The following WAPL variants were observed in gnomAD, a reference collection of about 807,000 sequenced individuals.
WAPL encodes WAPL cohesin release factor, also known as wings apart-like protein homolog.
In WAPL, 5 loss-of-function variants were observed where a neutral mutation model predicts 121.0. The ratio of observed to expected loss-of-function variants is 0.04; its 90% CI spans 0.02 to 0.09. WAPL has a LOEUF of 0.09. Among genes scored for constraint, WAPL ranks in the 10% least tolerant of loss-of-function variants. The probability of loss-of-function intolerance (pLI) is 1.00; values close to 1 mark genes in which losing one functional copy is unlikely to be tolerated. For missense variants in WAPL, 999 were observed against 1,410.8 expected (o/e 0.71, Z 4.68); for synonymous variants, 480 against 481.5 (o/e 1.00, Z 0.04).
At chr10:86,464,270 CAT>C (rs1344119397) in intron 9 of WAPL, among the ~76,000 whole-genome samples, 2 of 152,288 alleles carry the variant, frequency 1.3e-5, no homozygotes, top group Non-Finnish European at 1.5e-5. Context: ...CTGGCTTAAT[CAT>C]ATGAGTAAAC....
intron 17 of WAPL, among the ~76,000 whole-genome samples, chr10:86,440,662 G>A (rs1160521207): frequency 2.0e-5 from 3 of 151,858 alleles, no homozygotes; most frequent in Non-Finnish European, 4.4e-5. Context: ...TTTCTGATTT[G>A]CTCTTAAAAT....
intron 4 of WAPL, among the ~76,000 whole-genome samples, chr10:86,491,689 G>A (rs564414963): frequency 1.6e-4 from 24 of 150,458 alleles, no homozygotes; most frequent in Non-Finnish European, 3.1e-4. Context: ...ACAAGAGACC[G>A]CTTGAAATGG....
chr10:86,487,542 C>G (rs1255429106), intron 4 of WAPL, among the ~76,000 whole-genome samples: 1 of 152,144 alleles, frequency 6.6e-6, no homozygotes, highest in Non-Finnish European at 1.5e-5. Context: ...ATTAACAACT[C>G]TATATTCCTG....
intron 4 of WAPL, among the ~76,000 whole-genome samples, chr10:86,493,523 T>TTTCA (rs1275757298): frequency 4.6e-5 from 7 of 152,062 alleles, no homozygotes; most frequent in African/African-American, 1.7e-4. Flanking sequence ...TATTTCAAAT[T>TTTCA]TTCATTTATT....
rs2132193382 is a variant in WAPL, at chr10:86,472,699, T to A, written c.1806A>T (p.Pro602=). 1 of 1,613,956 alleles carries A rather than the reference T, an allele frequency of 6.2e-7. No homozygotes were observed. The highest frequency in any genetic ancestry group is 1.1e-5 in the South Asian group (1 of 91,068). The change falls in exon 6 of 19, where the codon CCA becomes CCT. Residue 602 remains proline (P), a synonymous_variant. Transcript: ENST00000298767. The surrounding 1 kb of genome is among the most constrained non-coding windows in gnomAD (Gnocchi z 4.2). ...TTGTCACAGTTTTTATCACTTTGGA[T>A]GGTGGTGCAGGAGCCTTAAAAACTC... ...DDGVFKAPAP[P]SKVIKTVTIP...
chr10:86,488,626 A>C (rs531972392), intron 4 of WAPL: 2 of 152,350 alleles, frequency 1.3e-5, no homozygotes, highest in South Asian at 4.1e-4. Flanking sequence ...CACCAACTAA[A>C]TCTAAGAAGA....
intron 2 of WAPL, among the ~76,000 whole-genome samples, chr10:86,504,512 TA>T (rs1564586780): frequency 7.9e-6 from 1 of 126,118 alleles, no homozygotes; most frequent in East Asian, 2.6e-4. Context: ...CCATCTCTAC[TA>T]AAAAATACAA....
In WAPL at chr10:86,521,701, T is replaced by C. The variant is rs905090046; in HGVS notation, c.-359A>G. The C allele has an allele frequency of 2.2e-6, 1 of 464,354 alleles. No individual in the cohort carries two copies. The highest frequency in any genetic ancestry group is 4.5e-6 in the Non-Finnish European group (1 of 224,714). 28.8% of individuals were successfully genotyped at this position (464,354 alleles called of 1,614,324 possible). A position where few individuals can be genotyped will look rare whatever the true frequency, so the allele number is the denominator to read the frequency against. Reference sequence around the variant, plus strand: ...GCCGCTTCCGCCGGTGAATGGTCAGTGCTGGAGTTTGAACAGGGCCCTGAA... The same window carrying C: ...GCCGCTTCCGCCGGTGAATGGTCAGCGCTGGAGTTTGAACAGGGCCCTGAA... On this transcript the variant is annotated 5_prime_UTR_variant, in exon 1 of 19. Transcript: ENST00000298767.
chr10:86,475,711 T>TA (rs1473186629), intron 4 of WAPL, among the ~76,000 whole-genome samples: 18 of 152,228 alleles, frequency 1.2e-4, no homozygotes, highest in Admixed American at 1.2e-3. Context: ...CCAACCTCTC[T>TA]ATTCCTTCCA....
At position 86,491,000 on chromosome 10, in the gene WAPL, T is replaced by C. The variant is rs189131110; in HGVS notation, c.1644+6201A>G. 9.4e-3 allele frequency among the ~76,000 whole-genome samples: 1,408 copies of C among 150,278 alleles called. 18 individuals carry two copies. The highest frequency in any genetic ancestry group is 0.033 in the African/African-American group (1,355 of 40,886). ...AGCACTTGAACCCAGGAGGCGGAGG[T>C]TGCAGTGAGCCGAGATCATGCCACC... On this transcript the variant is annotated intron_variant, in intron 4 of 18. Coordinates refer to ENST00000298767, the MANE Select transcript of WAPL (RefSeq NM_015045.5).
At chr10:86,519,181 A>T (rs910723623) in intron 1 of WAPL, among the ~76,000 whole-genome samples, 3 of 152,144 alleles carry the variant, frequency 2.0e-5, no homozygotes, top group Non-Finnish European at 2.9e-5. Flanking sequence ...AACATTTTTT[A>T]AAACAAGTTA....
In WAPL at chr10:86,465,688, G is replaced by T. The variant is rs2114831; in HGVS notation, c.2370+1591C>A. On this transcript the variant is annotated intron_variant, in intron 9 of 18. Transcript: ENST00000298767. ...CTTTCCATATAGCATATAAATCCCG[G>T]ATGTGGGGTGTAATGGCATGGGGAT... 2.0e-4 allele frequency among the ~76,000 whole-genome samples: 31 copies of T among 152,226 alleles called. No homozygotes were observed. In the South Asian group the frequency reaches 6.0e-3, roughly 30 times the overall value.
intron 2 of WAPL, among the ~76,000 whole-genome samples, chr10:86,502,276 A>G (rs1254792410): frequency 6.6e-6 from 1 of 152,232 alleles, no homozygotes; most frequent in Non-Finnish European, 1.5e-5. Flanking sequence ...AGAATGAGGC[A>G]GCTCTACATT....
At chr10:86,442,391 T>G (rs1849492315) in intron 17 of WAPL, among the ~76,000 whole-genome samples, 1 of 152,212 alleles carries the variant, frequency 6.6e-6, no homozygotes, top group African/African-American at 2.4e-5. Context: ...GCTCAACAAG[T>G]ATTTTAAAGT....
intron 4 of WAPL, among the ~76,000 whole-genome samples, chr10:86,495,462 CAA>C (rs888514373): frequency 7.0e-6 from 1 of 142,128 alleles, no homozygotes; most frequent in African/African-American, 2.6e-5. Flanking sequence ...GAGACCATCT[CAA>C]AAAAAAAAGA....
intron 17 of WAPL, among the ~76,000 whole-genome samples, chr10:86,439,393 A>G (rs1177203504): frequency 1.3e-5 from 2 of 152,200 alleles, no homozygotes; most frequent in Admixed American, 6.5e-5. Flanking sequence ...GCTCAGTAGA[A>G]AAGTACGCCT....
chr10:86,489,118 C>T (rs2132210870), intron 4 of WAPL, among the ~76,000 whole-genome samples: 1 of 152,228 alleles, frequency 6.6e-6, no homozygotes, highest in African/African-American at 2.4e-5. Flanking sequence ...GGACATTAGA[C>T]AAAATAACTG....
At chr10:86,483,709 CTG>C (rs545571154) in intron 4 of WAPL, among the ~76,000 whole-genome samples, 145 of 142,114 alleles carry the variant, frequency 1.0e-3, no homozygotes, top group Non-Finnish European at 1.6e-3. Context: ...AGGTGGAAGA[CTG>C]TGAGAATTAT....
At chr10:86,489,886 A>G (rs1420696550) in intron 4 of WAPL, among the ~76,000 whole-genome samples, 2 of 886 alleles carry the variant, frequency 2.3e-3, no homozygotes, top group South Asian at 0.071. Flanking sequence ...TTTTGCCTTG[A>G]AAAAAAAAAA....
Sources: gnomAD v4.1 joint callset for allele counts (sites outside exome capture counted in the v4.1 genomes callset) on GRCh38, gnomAD v4.1.1 for gene constraint, Gnocchi (gnomAD v3.1) non-coding constraint, MANE v1.5 for transcripts, NCBI Gene and HGNC (gene_info 2026-07-23, HGNC 2026-07-21) for gene names.